PLEKHG5: variants seen among roughly 807,000 people sequenced by gnomAD.
PLEKHG5 encodes the protein pleckstrin homology and RhoGEF domain containing G5, also known as pleckstrin homology domain-containing family G member 5.
PLEKHG5 carries 52 observed loss-of-function variants against 103.8 expected under a neutral mutation model. That is an observed-to-expected ratio of 0.50 (90% confidence interval 0.40 to 0.63). PLEKHG5 has a LOEUF of 0.63. PLEKHG5 is among the 30% of genes least tolerant of loss of function. The pLI is 0.00. For missense variants in PLEKHG5, 1,205 were observed against 1,347.6 expected (o/e 0.89, Z 1.66); for synonymous variants, 592 against 575.5 (o/e 1.03, Z -0.41).
At position 6,474,161 on chromosome 1, in the gene PLEKHG5, G is replaced by A; in HGVS notation, c.443C>T (p.Pro148Leu). Reference protein sequence around the residue: ...FGGHYLRVKAPAKPGDEGKVE... With the variant: ...FGGHYLRVKALAKPGDEGKVE... ...CTTGCCCTCATCTCCAGGCTTGGCTGGGGCTGCATGTGGGGGCCACGAGAG... is the reference window on the plus strand; with the variant it reads ...CTTGCCCTCATCTCCAGGCTTGGCTAGGGCTGCATGTGGGGGCCACGAGAG... The change falls in exon 7 of 21, where the codon CCA becomes CTA. Residue 148 changes from proline to leucine, a missense_variant. Coordinates refer to ENST00000377728, the MANE Select transcript of PLEKHG5 (RefSeq NM_020631.6). 6.2e-7 allele frequency: 1 copy of A among 1,613,350 alleles called. No individual in the cohort carries two copies. The highest frequency in any genetic ancestry group is 1.7e-4 in the Middle Eastern group (1 of 6,054).
At chr1:6,467,600 T>G in intron 20 of PLEKHG5, 28 bp from the exon 21 acceptor site, 1 of 1,611,852 alleles carries the variant, frequency 6.2e-7, no homozygotes, top group South Asian at 1.1e-5. Context: ...GACAGAGTCC[T>G]TCTTTGGCTG....
At chr1:6,479,020 A>G (rs1343511075) in intron 1 of PLEKHG5, among the ~76,000 whole-genome samples, 2 of 126,298 alleles carry the variant, frequency 1.6e-5, no homozygotes, top group Non-Finnish European at 3.3e-5. Flanking sequence ...GGACTCCCCA[A>G]GTTGATATCT....
At chr1:6,502,033 T>A (rs1329282209) in intron 1 of PLEKHG5, among the ~76,000 whole-genome samples, 1 of 152,158 alleles carries the variant, frequency 6.6e-6, no homozygotes, top group African/African-American at 2.4e-5. Context: ...GAATGTCCCC[T>A]CCCGCGTGAG....
At position 6,473,102 on chromosome 1, in the gene PLEKHG5, G is replaced by A. The variant is rs751787031; in HGVS notation, c.868C>T (p.Arg290Trp). The A allele has an allele frequency of 2.2e-5, 35 of 1,613,798 alleles. 1 individual carries two copies. Among genetic ancestry groups the A allele is most frequent in the South Asian group, 1.1e-4 (10 of 91,084 alleles). ...GAGTCATGGTCGAAGCGCAGCCCCCGGGGCAGCCTGGGCAGCCCGAAGAGG... is the reference window on the plus strand; with the variant it reads ...GAGTCATGGTCGAAGCGCAGCCCCCAGGGCAGCCTGGGCAGCCCGAAGAGG... ...YSLFGLPRLP[R>W]GLRFDHDSWE... The change falls in exon 9 of 21, where the codon CGG becomes TGG. Residue 290 changes from arginine (R) to tryptophan (W), a missense_variant. Coordinates refer to ENST00000377728, the MANE Select transcript of PLEKHG5 (RefSeq NM_020631.6).
chr1:6,474,907 G>T, intron 5 of PLEKHG5, 140 bp downstream of exon 5: 1 of 767,340 alleles, frequency 1.3e-6, no homozygotes, highest in East Asian at 2.4e-5. Context: ...CACCAGCACG[G>T]GTCTGCCCAC....
chr1:6,473,054 C>CTTCA lies in PLEKHG5; in HGVS notation c.912_915dup (p.Asp306Ter), dbSNP rs1644642137. On this transcript the variant is annotated stop_gained and frameshift_variant, in exon 9 of 21. Transcript: ENST00000377728. LOFTEE classifies it high-confidence loss of function. ...AGGCAGGCATTGTCCTCATCCTCGT[C>CTTCA]TTCATCGTACTCCTCCTCCCAGGAG... is the stretch of plus-strand genomic sequence containing the variant. The CTTCA allele has an allele frequency of 6.2e-7, 1 of 1,613,852 alleles. No homozygotes were observed. The highest frequency in any genetic ancestry group is 8.5e-7 in the Non-Finnish European group (1 of 1,179,914).
chr1:6,496,692 C>T (rs1177037516), exon 1 of PLEKHG5: 13 of 658,520 alleles, frequency 2.0e-5, no homozygotes, highest in Admixed American at 1.5e-4. Flanking sequence ...AAGAGGTCAG[C>T]GTCCCTTTCT....
intron 20 of PLEKHG5, 123 bp downstream of exon 20, chr1:6,467,702 A>T: frequency 6.8e-7 from 1 of 1,462,664 alleles, no homozygotes; most frequent in Non-Finnish European, 9.6e-7. Flanking sequence ...CTGCGCCCAG[A>T]CACTGGGCAG....
intron 1 of PLEKHG5, among the ~76,000 whole-genome samples, chr1:6,507,758 G>A (rs899605423): frequency 3.9e-5 from 6 of 152,200 alleles, no homozygotes; most frequent in African/African-American, 1.4e-4. Context: ...ATGCCTGCCT[G>A]GCCGGCCCCT....
At position 6,470,573 on chromosome 1, in the gene PLEKHG5, A is replaced by G. The variant is rs764915743; in HGVS notation, c.1613T>C (p.Leu538Pro). 2 of 1,582,856 alleles carry G rather than the reference A, an allele frequency of 1.3e-6. No homozygotes were observed. The highest frequency in any genetic ancestry group is 2.2e-5 in the South Asian group (2 of 89,292). ...GTCGATGCGGCTCACCACGGCCGCC[A>G]GCCGCTGCCGCTCCTGCCGCTGCCG... ...CMRQRQERQR[L>P]AAVVSRIDAY... The change falls in exon 15 of 21, where the codon CTG becomes CCG. Residue 538 changes from leucine (L) to proline (P), a missense_variant. Coordinates refer to ENST00000377728, the MANE Select transcript of PLEKHG5 (RefSeq NM_020631.6).
At chr1:6,497,001 T>A (rs780381317), upstream of PLEKHG5, 210 of 1,526,998 alleles carry the variant, frequency 1.4e-4, no homozygotes, top group Non-Finnish European at 1.7e-4. The surrounding 1 kb of genome is among the most constrained non-coding windows in gnomAD (Gnocchi z 6.1). Context: ...CCCCCGAAGG[T>A]CTGGGGCGAC....
chr1:6,508,020 C>CCCCCA (rs1638371007), intron 1 of PLEKHG5, among the ~76,000 whole-genome samples: 1 of 152,156 alleles, frequency 6.6e-6, no homozygotes, highest in Non-Finnish European at 1.5e-5. Context: ...AGAGCCTTTA[C>CCCCCA]CCAGCCTCGG....
chr1:6,472,986 C>T lies in PLEKHG5; in HGVS notation c.984G>A (p.Glu328=). 3 of 1,613,798 alleles carry T rather than the reference C, an allele frequency of 1.9e-6. No homozygotes were observed. Among genetic ancestry groups the T allele is most frequent in the Non-Finnish European group, 2.5e-6 (3 of 1,179,784 alleles). ...GAGCAGCACTGTGGCCCGCACTCAC[C>T]TCATGCCCATCAATGAGCTCCCGCC... ...DSWRELIDGH[E]KLTRRQCHQQ... is the part of the protein sequence containing the mutation. Residue 328 remains glutamate (E), a splice_region_variant and synonymous_variant, in exon 9 of 21, where the codon GAG becomes GAA. Coordinates refer to ENST00000377728, the MANE Select transcript of PLEKHG5 (RefSeq NM_020631.6).
At chr1:6,496,867 G>C, upstream of PLEKHG5, 2 of 931,028 alleles carry the variant, frequency 2.1e-6, no homozygotes, top group Non-Finnish European at 3.1e-6. Flanking sequence ...GGAGCGCTCA[G>C]TGACCTTTTG....
chr1:6,519,593 G>T, exon 1 of PLEKHG5: 1 of 1,026,616 alleles, frequency 9.7e-7, no homozygotes, highest in Non-Finnish European at 1.5e-6. Flanking sequence ...CAGACACACA[G>T]GTCTCCGTCC....
At chr1:6,518,320 G>A (rs1328712893) in intron 1 of PLEKHG5, among the ~76,000 whole-genome samples, 2 of 151,534 alleles carry the variant, frequency 1.3e-5, no homozygotes, top group African/African-American at 2.4e-5. Flanking sequence ...CAGCACTTTG[G>A]GAGGCCGAGG....
intron 1 of PLEKHG5, among the ~76,000 whole-genome samples, chr1:6,483,699 C>G (rs932875977): frequency 6.6e-6 from 1 of 152,226 alleles, no homozygotes; most frequent in African/African-American, 2.4e-5. Flanking sequence ...GACCACTAAG[C>G]TGTCCTCAGC....
At chr1:6,483,754 TGA>T (rs1188878088) in intron 1 of PLEKHG5, among the ~76,000 whole-genome samples, 2 of 152,260 alleles carry the variant, frequency 1.3e-5, no homozygotes, top group East Asian at 3.8e-4. Flanking sequence ...AGCGCACTGC[TGA>T]GAGAAACATC....
At chr1:6,471,314 G>A (rs1644577818) in intron 12 of PLEKHG5, 174 bp downstream of exon 12, 3 of 829,634 alleles carry the variant, frequency 3.6e-6, no homozygotes, top group Admixed American at 2.4e-5. Flanking sequence ...TCAGGTGGAG[G>A]CTCAAACCCG....
Sources: gnomAD v4.1 joint callset for allele counts (sites outside exome capture counted in the v4.1 genomes callset) on GRCh38, gnomAD v4.1.1 for gene constraint, Gnocchi (gnomAD v3.1) non-coding constraint, MANE v1.5 for transcripts, NCBI Gene and HGNC (gene_info 2026-07-23, HGNC 2026-07-21) for gene names.